Variants in ZCWPW2 observed in about 807,000 individuals in gnomAD.
The protein encoded by ZCWPW2 is zinc finger CW-type and PWWP domain containing 2, also known as zinc finger CW-type PWWP domain protein 2.
A neutral mutation model predicts 46.6 loss-of-function variants in ZCWPW2; 45 were observed. The observed-to-expected ratio is 0.96, with a 90% CI of 0.76 to 1.24. The LOEUF is 1.24. ZCWPW2 is among the 50% of genes most tolerant of loss of function. ZCWPW2 has a pLI of 0.00. For synonymous variants in ZCWPW2, 152 were observed against 137.1 expected (o/e 1.11, Z -0.76); for missense variants, 429 against 403.9 (o/e 1.06, Z -0.53).
At chr3:28,396,999 C>T (rs1238913230) in intron 2 of ZCWPW2, among the ~76,000 whole-genome samples, 1 of 151,952 alleles carries the variant, frequency 6.6e-6, no homozygotes, top group Non-Finnish European at 1.5e-5. Context: ...CGTGGTGGCA[C>T]ATGCCTGTAA....
chr3:28,351,868 C>T (rs532532226), intron 1 of ZCWPW2, among the ~76,000 whole-genome samples: 2 of 152,150 alleles, frequency 1.3e-5, no homozygotes, highest in South Asian at 2.1e-4. Flanking sequence ...ATGTTCATAT[C>T]AGCTTCAGTG....
At chr3:28,409,278 C>T (rs1486366940) in intron 2 of ZCWPW2, among the ~76,000 whole-genome samples, 2 of 151,912 alleles carry the variant, frequency 1.3e-5, no homozygotes, top group South Asian at 2.1e-4. Flanking sequence ...TGCCACCACA[C>T]CTGGCTAATT....
At chr3:28,363,954 T>A (rs1391070505) in intron 1 of ZCWPW2, among the ~76,000 whole-genome samples, 1 of 152,204 alleles carries the variant, frequency 6.6e-6, no homozygotes, top group Non-Finnish European at 1.5e-5. Context: ...TCTTGTGATC[T>A]GTCAGACTTA....
chr3:28,469,822 G>T lies in ZCWPW2; in HGVS notation c.493-8992G>T, dbSNP rs144010553. Among the ~76,000 whole-genome samples, 371 of 152,118 alleles carry T rather than the reference G, an allele frequency of 2.4e-3. 1 individual carries two copies. The highest frequency in any genetic ancestry group is 8.1e-3 in the African/African-American group (338 of 41,506). ...AAAGAGATAGATAGGTCCCAATACA[G>T]TAATAGCTGGAGAATTCAACATCCC... On this transcript the variant is annotated intron_variant, in intron 4 of 9. Transcript: ENST00000383768.
intron 4 of ZCWPW2, among the ~76,000 whole-genome samples, chr3:28,446,944 G>A (rs1585211): frequency 0.54 from 81,337 of 151,896 alleles, 22,296 homozygotes; most frequent in African/African-American, 0.59. Flanking sequence ...TGGAAACACA[G>A]AATCTAGCAA....
chr3:28,458,199 T>C (rs1331069853), intron 4 of ZCWPW2, among the ~76,000 whole-genome samples: 1 of 152,212 alleles, frequency 6.6e-6, no homozygotes, highest in Non-Finnish European at 1.5e-5. Flanking sequence ...TCTGTCTTAC[T>C]CTCTATGTAA....
intron 8 of ZCWPW2, 31 bp downstream of exon 8, chr3:28,515,652 T>G (rs746109765): frequency 6.3e-7 from 1 of 1,581,272 alleles, no homozygotes; most frequent in African/African-American, 1.4e-5. Context: ...CTTTTAGTTC[T>G]TTAACCTATA....
rs1319455036 is a variant in ZCWPW2 at position 28,385,374 on chromosome 3, T to C, written c.-133-5124T>C. 2.0e-5 allele frequency among the ~76,000 whole-genome samples: 3 copies of C among 152,306 alleles called. No homozygotes were observed. In the East Asian group the frequency reaches 5.8e-4, roughly 29 times the overall value. On this transcript the variant is annotated intron_variant, in intron 1 of 9. Transcript: ENST00000383768. ...GTTGGCCTGTATAGCTTTTAATTAA[T>C]AATTAGAGAAATACCACCTCATCCC...
intron 6 of ZCWPW2, among the ~76,000 whole-genome samples, chr3:28,495,771 C>CAA (rs1208160114): frequency 1.3e-5 from 2 of 151,520 alleles, no homozygotes; most frequent in Non-Finnish European, 2.9e-5. Flanking sequence ...GATCCTTTAC[C>CAA]ACAGATAGTT....
intron 4 of ZCWPW2, among the ~76,000 whole-genome samples, chr3:28,462,745 G>T (rs1698686497): frequency 6.6e-6 from 1 of 152,194 alleles, no homozygotes; most frequent in African/African-American, 2.4e-5. Flanking sequence ...ATTTCTGCCA[G>T]ATTGCAAATT....
chr3:28,500,493 TTA>T (rs1171236417), intron 6 of ZCWPW2, among the ~76,000 whole-genome samples: 3 of 152,134 alleles, frequency 2.0e-5, no homozygotes, highest in Non-Finnish European at 4.4e-5. Flanking sequence ...TCCCTAACAC[TTA>T]TTAATGCCAA....
intron 2 of ZCWPW2, among the ~76,000 whole-genome samples, chr3:28,401,541 C>T (rs1695936533): frequency 6.6e-6 from 1 of 152,124 alleles, no homozygotes; most frequent in Non-Finnish European, 1.5e-5. Flanking sequence ...GACAGAAAGT[C>T]AACAAAGAAA....
At chr3:28,392,723 A>G (rs1295281973) in intron 2 of ZCWPW2, among the ~76,000 whole-genome samples, 1 of 152,178 alleles carries the variant, frequency 6.6e-6, no homozygotes, top group Non-Finnish European at 1.5e-5. Context: ...TGGCTCACTG[A>G]AGAAATCAAA....
chr3:28,378,164 A>C (rs939187769), intron 1 of ZCWPW2, among the ~76,000 whole-genome samples: 1 of 152,068 alleles, frequency 6.6e-6, no homozygotes, highest in Non-Finnish European at 1.5e-5. Context: ...TTTTTGTAGG[A>C]TCATTAAGTA....
At chr3:28,384,673 G>T (rs1695209722) in intron 1 of ZCWPW2, among the ~76,000 whole-genome samples, 1 of 150,566 alleles carries the variant, frequency 6.6e-6, no homozygotes, top group South Asian at 2.1e-4. Flanking sequence ...AGTGCAGTGG[G>T]ACCATGTTGG....
intron 4 of ZCWPW2, among the ~76,000 whole-genome samples, chr3:28,452,462 ATT>A (rs752644679): frequency 9.2e-5 from 14 of 151,862 alleles, no homozygotes; most frequent in Non-Finnish European, 1.8e-4. Flanking sequence ...TGCCTGGCTA[ATT>A]TTTGTAGTTT....
intron 1 of ZCWPW2, among the ~76,000 whole-genome samples, chr3:28,387,042 C>T (rs1369590415): frequency 1.3e-5 from 2 of 152,200 alleles, no homozygotes; most frequent in African/African-American, 4.8e-5. Flanking sequence ...CCCCCTTCCG[C>T]CCAGCATCAG....
At chr3:28,465,243 T>C (rs1698776314) in intron 4 of ZCWPW2, among the ~76,000 whole-genome samples, 1 of 152,232 alleles carries the variant, frequency 6.6e-6, no homozygotes, top group South Asian at 2.1e-4. Context: ...ATGGTATTAC[T>C]GTAGTTCATT....
intron 6 of ZCWPW2, among the ~76,000 whole-genome samples, chr3:28,496,448 G>A (rs1699994062): frequency 6.6e-6 from 1 of 151,986 alleles, no homozygotes; most frequent in African/African-American, 2.4e-5. Context: ...TATAAAGAAG[G>A]TCATTTGTGG....
Sources: gnomAD v4.1 joint callset for allele counts (sites outside exome capture counted in the v4.1 genomes callset) on GRCh38, gnomAD v4.1.1 for gene constraint, MANE v1.5 for transcripts, NCBI Gene and HGNC (gene_info 2026-07-23, HGNC 2026-07-21) for gene names.